Variants in NVL observed in about 807,000 individuals in gnomAD.
NVL encodes nuclear valosin-containing protein-like.
NVL carries 84 observed loss-of-function variants against 110.2 expected under a neutral mutation model. That is an observed-to-expected ratio of 0.76 (90% CI 0.64 to 0.91). The LOEUF (loss-of-function observed/expected upper bound fraction) is 0.91. Ranked by LOEUF, NVL falls within the 40% of genes least tolerant of loss-of-function variation. The pLI is 0.00. For synonymous variants in NVL, 354 were observed against 361.1 expected, an observed-to-expected ratio of 0.98 and a Z score of 0.22; for missense variants, 882 against 1,035.9, an observed-to-expected ratio of 0.85 and a Z score of 2.04.
rs1668069339 is a variant in NVL, at chr1:224,298,309, T to C, written c.1063-1691A>G. On this transcript the variant is annotated intron_variant, in intron 10 of 22. Transcript: ENST00000281701. ...CCCACAAGTGTTACCACCACAAAAC[T>C]GGAAGAGTCTATAACGTTATCCAGC... The C allele has an allele frequency of 1.5e-5, 4 of 265,346 alleles. No individual in the cohort carries two copies. In the South Asian group the frequency reaches 2.0e-4, roughly 14 times the overall value. The allele number at this position is 265,346 out of a possible 1,614,324, so 16.4% of individuals were successfully genotyped here.
At chr1:224,290,486 G>GT (rs924345926) in intron 12 of NVL, among the ~76,000 whole-genome samples, 16 of 151,914 alleles carry the variant, frequency 1.1e-4, no homozygotes, top group African/African-American at 3.1e-4. Context: ...GCAAAATCCC[G>GT]TCTCTACTAA....
chr1:224,259,524 A>T (rs1220663911), intron 18 of NVL, among the ~76,000 whole-genome samples: 2 of 152,212 alleles, frequency 1.3e-5, no homozygotes, highest in South Asian at 2.1e-4. Flanking sequence ...AAAGCTTTTT[A>T]AAAAAATGAA....
chr1:224,235,627 G>A (rs948747953), intron 20 of NVL, among the ~76,000 whole-genome samples: 1 of 151,186 alleles, frequency 6.6e-6, no homozygotes, highest in Non-Finnish European at 1.5e-5. Flanking sequence ...ACATTGGAAG[G>A]ACATAATAGA....
intron 4 of NVL, among the ~76,000 whole-genome samples, chr1:224,316,912 C>T (rs1044972263): frequency 6.6e-6 from 1 of 151,908 alleles, no homozygotes; most frequent in Non-Finnish European, 1.5e-5. Context: ...CCAAGATGTG[C>T]GGATCACTAG....
intron 15 of NVL, among the ~76,000 whole-genome samples, chr1:224,285,038 T>C (rs749399114): frequency 2.0e-5 from 3 of 152,244 alleles, no homozygotes; most frequent in Non-Finnish European, 1.5e-5. Flanking sequence ...TCTATCTTTA[T>C]GGTAGAATAT....
At chr1:224,320,920 G>C (rs772939769) in intron 2 of NVL, among the ~76,000 whole-genome samples, 6 of 152,144 alleles carry the variant, frequency 3.9e-5, no homozygotes, top group Non-Finnish European at 5.9e-5. Flanking sequence ...CAAAGTTTTA[G>C]ATGAGGCAAA....
chr1:224,247,705 C>G (rs998168447), intron 19 of NVL, among the ~76,000 whole-genome samples: 3 of 151,842 alleles, frequency 2.0e-5, no homozygotes, highest in African/African-American at 7.3e-5. Context: ...GAGACAGGGT[C>G]TCACTCTGTT....
At chr1:224,296,906 G>A (rs574312305) in intron 10 of NVL, among the ~76,000 whole-genome samples, 19 of 152,140 alleles carry the variant, frequency 1.2e-4, no homozygotes, top group Admixed American at 1.1e-3. Flanking sequence ...TTGTAAATTA[G>A]ATACATTTGC....
intron 4 of NVL, among the ~76,000 whole-genome samples, chr1:224,314,082 A>G (rs1669828346): frequency 6.6e-6 from 1 of 152,262 alleles, no homozygotes; most frequent in African/African-American, 2.4e-5. Context: ...CAAAGATTGC[A>G]GGGATGCAGA....
intron 9 of NVL, among the ~76,000 whole-genome samples, chr1:224,302,133 C>A (rs1018915111): frequency 6.6e-6 from 1 of 152,094 alleles, no homozygotes; most frequent in African/African-American, 2.4e-5. Flanking sequence ...CCAATCAAGT[C>A]CCCCTTTACA....
At chr1:224,303,646 G>A in intron 9 of NVL, 77 bp downstream of exon 9, 1 of 1,498,672 alleles carries the variant, frequency 6.7e-7, no homozygotes, top group Non-Finnish European at 9.0e-7. Flanking sequence ...TCTGGTTTAA[G>A]TTGACCAAAG....
chr1:224,311,744 A>G, intron 5 of NVL, 56 bp downstream of exon 5: 3 of 1,320,246 alleles, frequency 2.3e-6, no homozygotes, highest in Non-Finnish European at 3.3e-6. Flanking sequence ...CAAGGGAGGT[A>G]CCATAACAAC....
At chr1:224,259,985 T>C (rs1663784011) in intron 18 of NVL, among the ~76,000 whole-genome samples, 1 of 152,196 alleles carries the variant, frequency 6.6e-6, no homozygotes, top group Non-Finnish European at 1.5e-5. Context: ...CAAATAATTA[T>C]TGAGCTCTAC....
intron 19 of NVL, among the ~76,000 whole-genome samples, chr1:224,242,490 T>TC: frequency 6.7e-6 from 1 of 148,500 alleles, no homozygotes; most frequent in African/African-American, 2.5e-5. Flanking sequence ...ATCTATTCTT[T>TC]TTTTTTTTTT....
At chr1:224,294,071 A>G (rs1325136013) in intron 12 of NVL, among the ~76,000 whole-genome samples, 196 bp downstream of exon 12, 2 of 152,196 alleles carry the variant, frequency 1.3e-5, no homozygotes. Flanking sequence ...AAGTGTTGGG[A>G]TTACAGGCAT....
intron 17 of NVL, among the ~76,000 whole-genome samples, chr1:224,273,550 C>T (rs191602492): frequency 9.9e-5 from 15 of 152,158 alleles, no homozygotes; most frequent in Non-Finnish European, 1.3e-4. Context: ...GTACTTCATA[C>T]GGCTACAGAC....
At chr1:224,294,736 A>G (rs1361816924) in intron 11 of NVL, among the ~76,000 whole-genome samples, 2 of 152,226 alleles carry the variant, frequency 1.3e-5, no homozygotes, top group African/African-American at 4.8e-5. Flanking sequence ...ATGAATTCCA[A>G]CTGAGGAATA....
intron 12 of NVL, among the ~76,000 whole-genome samples, chr1:224,292,428 C>T (rs1667461035): frequency 6.6e-6 from 1 of 152,056 alleles, no homozygotes; most frequent in African/African-American, 2.4e-5. Context: ...TAAACTAAAG[C>T]TTGGAAATGT....
At chr1:224,307,352 TA>T (rs1669028575) in intron 6 of NVL, among the ~76,000 whole-genome samples, 1 of 152,188 alleles carries the variant, frequency 6.6e-6, no homozygotes, top group South Asian at 2.1e-4. Flanking sequence ...TAAAGGACGT[TA>T]GTGGCTGTCA....
Sources: gnomAD v4.1 joint callset for allele counts (sites outside exome capture counted in the v4.1 genomes callset) on GRCh38, gnomAD v4.1.1 for gene constraint, MANE v1.5 for transcripts, NCBI Gene and HGNC (gene_info 2026-07-23, HGNC 2026-07-21) for gene names.